Variants in GPM6B observed in about 807,000 individuals in gnomAD.
GPM6B encodes the protein neuronal membrane glycoprotein M6-b.
Under a neutral mutation model 27.2 loss-of-function variants are expected in GPM6B, and 4 were observed. The ratio of observed to expected loss-of-function variants is 0.15; its 90% CI spans 0.07 to 0.34. GPM6B has a LOEUF of 0.34. Among genes scored for constraint, GPM6B ranks in the 10% least tolerant of loss-of-function variants. The pLI is 1.00. For missense variants in GPM6B, 183 were observed against 261.9 expected (o/e 0.70, Z 2.08); for synonymous variants, 124 against 103.1 (o/e 1.20, Z -1.23).
chrX:13,871,593 T>C (rs2049979292), intron 1 of GPM6B, among the ~76,000 whole-genome samples: 1 of 112,249 alleles, frequency 8.9e-6, no homozygotes, highest in African/African-American at 3.2e-5. Flanking sequence ...TTGTTGCAGA[T>C]GTACTGAAGC....
At chrX:13,776,620 C>T (rs1218015583) in intron 6 of GPM6B, among the ~76,000 whole-genome samples, 1 of 112,274 alleles carries the variant, frequency 8.9e-6, no homozygotes, top group African/African-American at 3.2e-5. Context: ...CAAGCCACTG[C>T]ATATTATGGA....
At chrX:13,921,993 A>C (rs1920983762) in intron 1 of GPM6B, among the ~76,000 whole-genome samples, 1 of 111,744 alleles carries the variant, frequency 8.9e-6, no homozygotes, top group Non-Finnish European at 1.9e-5. Context: ...GGTAATGCCC[A>C]GGTGTTGCCA....
chrX:13,918,457 T>C (rs1337807414), intron 1 of GPM6B, among the ~76,000 whole-genome samples: 1 of 112,470 alleles, frequency 8.9e-6, no homozygotes, highest in Admixed American at 9.4e-5. Flanking sequence ...ATCTTTTCTG[T>C]AGCATGTATA....
intron 1 of GPM6B, among the ~76,000 whole-genome samples, chrX:13,919,054 T>C: frequency 8.9e-6 from 1 of 111,814 alleles, no homozygotes; most frequent in Non-Finnish European, 1.9e-5. Flanking sequence ...CGGCCAAAGT[T>C]TTCATCAGAG....
At chrX:13,884,591 C>T (rs2050116652) in intron 1 of GPM6B, among the ~76,000 whole-genome samples, 2 of 112,412 alleles carry the variant, frequency 1.8e-5, no homozygotes, top group African/African-American at 6.4e-5. Context: ...ATAATGCAAA[C>T]TCTCTAACCT....
At chrX:13,887,138 G>A (rs964581067) in intron 1 of GPM6B, among the ~76,000 whole-genome samples, 1 of 112,094 alleles carries the variant, frequency 8.9e-6, no homozygotes, top group African/African-American at 3.2e-5. Flanking sequence ...ATCTTTGAAC[G>A]ACATTAACTG....
intron 2 of GPM6B, among the ~76,000 whole-genome samples, chrX:13,799,399 ATTAT>A (rs2048878610): frequency 1.2e-5 from 1 of 86,652 alleles, no homozygotes; most frequent in Admixed American, 1.7e-4. Flanking sequence ...TATTATTATT[ATTAT>A]TTTTTTTTTA....
chrX:13,783,500 G>A lies in GPM6B; in HGVS notation c.390C>T (p.Val130=), dbSNP rs775734390. The change falls in exon 4 of 8, where the codon GTC becomes GTT. Residue 130 remains valine, a synonymous_variant. Transcript: ENST00000316715. ...AGAAAAAGGACGCAATTCCATAGAT[G>A]ACATACTGCATCAGTTGTATCCTAC... is the stretch of plus-strand genomic sequence containing the variant. The part of the protein sequence containing the change: ...LSEVIQLMQY[V]IYGIASFFFL... The A allele has an allele frequency of 8.3e-7, 1 of 1,200,542 alleles. No homozygotes were observed. The highest frequency in any genetic ancestry group is 1.8e-5 in the African/African-American group (1 of 57,047).
intron 1 of GPM6B, among the ~76,000 whole-genome samples, chrX:13,827,492 T>C (rs2049389636): frequency 9.1e-6 from 1 of 110,463 alleles, no homozygotes; most frequent in Admixed American, 9.7e-5. Context: ...CTCTCAGTTA[T>C]AAATGCAAGC....
chrX:13,903,595 G>C (rs1380730509), intron 1 of GPM6B, among the ~76,000 whole-genome samples: 1 of 111,719 alleles, frequency 9.0e-6, no homozygotes, highest in Admixed American at 9.5e-5. Context: ...CAGTCTCCAG[G>C]CATGGTCAGG....
At chrX:13,779,134 C>T (rs2048469303) in intron 5 of GPM6B, among the ~76,000 whole-genome samples, 1 of 111,302 alleles carries the variant, frequency 9.0e-6, no homozygotes, top group Non-Finnish European at 1.9e-5. Context: ...TACTCAGCTG[C>T]CCTCTCTTAC....
chrX:13,901,807 T>A (rs1052895621), intron 1 of GPM6B, among the ~76,000 whole-genome samples: 1 of 111,694 alleles, frequency 9.0e-6, no homozygotes, highest in Non-Finnish European at 1.9e-5. Flanking sequence ...GGACTACAAG[T>A]TGGACCTCCA....
intron 2 of GPM6B, among the ~76,000 whole-genome samples, chrX:13,790,332 T>C (rs755655092): frequency 5.4e-4 from 61 of 112,472 alleles, no homozygotes; most frequent in Non-Finnish European, 9.4e-4. Flanking sequence ...GGACCATTTG[T>C]CATTTGTCAA....
chrX:13,847,867 G>A (rs1326410092), intron 1 of GPM6B, among the ~76,000 whole-genome samples: 1 of 112,232 alleles, frequency 8.9e-6, no homozygotes, highest in East Asian at 2.8e-4. Flanking sequence ...GAAGAAACTT[G>A]AGAACATAAA....
At chrX:13,918,897 C>T (rs973654774) in intron 1 of GPM6B, among the ~76,000 whole-genome samples, 1 of 111,982 alleles carries the variant, frequency 8.9e-6, no homozygotes, top group African/African-American at 3.2e-5. Context: ...ACAATCCTTC[C>T]ACCAGGCAGC....
chrX:13,846,815 T>A (rs1288941439), intron 1 of GPM6B, among the ~76,000 whole-genome samples: 5 of 75,822 alleles, frequency 6.6e-5, no homozygotes, highest in Non-Finnish European at 1.3e-4. Flanking sequence ...TTTTTTAAAC[T>A]TTTTCTTCTT....
At position 13,917,554 on chromosome X, in the gene GPM6B, C is replaced by T. The variant is rs1249779326; in HGVS notation, c.-198+20773G>A. Among the ~76,000 whole-genome samples the T allele has an allele frequency of 1.8e-4, 20 of 112,023 alleles. No individual in the cohort carries two copies. In the Admixed American group the frequency reaches 1.9e-3, roughly 11 times the overall value. On this transcript the variant is annotated intron_variant, in intron 1 of 6. Coordinates refer to the GPM6B transcript ENST00000398361. ...AATAACATATACCTTGTCTCCTTGACCCTAAAGATAATGTCTGTAGGTAAT... is the reference window on the plus strand; with the variant it reads ...AATAACATATACCTTGTCTCCTTGATCCTAAAGATAATGTCTGTAGGTAAT...
chrX:13,872,018 TA>T (rs1327624200), intron 1 of GPM6B, among the ~76,000 whole-genome samples: 1 of 111,272 alleles, frequency 9.0e-6, no homozygotes, highest in African/African-American at 3.3e-5. Flanking sequence ...TGGATATAAT[TA>T]GTCAAGATAG....
chrX:13,937,930 C>G (rs1482691176), intron 1 of GPM6B, among the ~76,000 whole-genome samples: 1 of 111,477 alleles, frequency 9.0e-6, no homozygotes, highest in African/African-American at 3.3e-5. Flanking sequence ...AGGAGAGACT[C>G]AGCCTCCGTC....
Sources: gnomAD v4.1 joint callset for allele counts (sites outside exome capture counted in the v4.1 genomes callset) on GRCh38, gnomAD v4.1.1 for gene constraint, MANE v1.5 for transcripts, NCBI Gene and HGNC (gene_info 2026-07-23, HGNC 2026-07-21) for gene names.